The following EPAS1 variants were observed in gnomAD, a reference collection of about 807,000 sequenced individuals.
EPAS1 encodes the protein endothelial PAS domain protein 1.
A neutral mutation model predicts 87.9 loss-of-function variants in EPAS1; 23 were observed. That is an observed-to-expected ratio of 0.26 (90% CI 0.19 to 0.37). EPAS1 has a LOEUF of 0.37. Among genes scored for constraint, EPAS1 ranks in the 10% least tolerant of loss-of-function variants. EPAS1 has a pLI of 1.00. For synonymous variants in EPAS1, 508 were observed against 444.3 expected, an observed-to-expected ratio of 1.14 and a Z score of -1.80; for missense variants, 1,138 against 1,120.7, an observed-to-expected ratio of 1.02 and a Z score of -0.22.
At chr2:46,362,953 AGTGGTG>A (rs1159555840) in intron 6 of EPAS1, among the ~76,000 whole-genome samples, 9 of 78,032 alleles carry the variant, frequency 1.2e-4, no homozygotes, top group East Asian at 5.5e-4. Flanking sequence ...TGTAATTGTT[AGTGGTG>A]GTGGTGGTGG....
intron 1 of EPAS1, among the ~76,000 whole-genome samples, chr2:46,331,623 G>C (rs541198276): frequency 6.6e-6 from 1 of 152,080 alleles, no homozygotes; most frequent in African/African-American, 2.4e-5. Context: ...CCAAAGCTCC[G>C]AGGTTTAAAA....
chr2:46,364,070 G>A (rs1053038594), intron 6 of EPAS1, among the ~76,000 whole-genome samples: 8 of 152,304 alleles, frequency 5.3e-5, no homozygotes, highest in African/African-American at 1.9e-4. Flanking sequence ...GTGGTGGGAT[G>A]GGGAGAAGCA....
Position 46,385,326 on chromosome 2 carries a change from T to C in EPAS1, c.*666T>C, listed in dbSNP as rs570308878. On this transcript the variant is annotated 3_prime_UTR_variant, in exon 16 of 16. Coordinates refer to ENST00000263734, the MANE Select transcript of EPAS1 (RefSeq NM_001430.5). ...CCTAAACTGGTGTTTTTCCCCCGCA[T>C]TTGGTGGATTTTTTATTATTATTCA... is the stretch of plus-strand genomic sequence containing the variant. 3.9e-5 allele frequency: 6 copies of C among 152,710 alleles called. No individual in the cohort carries two copies. Among genetic ancestry groups the C allele is most frequent in the African/African-American group, 1.4e-4 (6 of 41,516 alleles). 9.5% of individuals were successfully genotyped at this position (152,710 alleles called of 1,614,324 possible). A position where few individuals can be genotyped will look rare whatever the true frequency, so the allele number is the denominator to read the frequency against.
In EPAS1 at chr2:46,348,351, G is replaced by C. The variant is rs568804600; in HGVS notation, c.217+1288G>C. Among the ~76,000 whole-genome samples the C allele has an allele frequency of 2.6e-5, 4 of 152,326 alleles. No individual in the cohort carries two copies. The East Asian group carries it at 7.7e-4, about 29-fold the overall frequency. On this transcript the variant is annotated intron_variant, in intron 2 of 15. Transcript: ENST00000263734. ...GAACAGTGGGCTGAGCCCTGGCAAG[G>C]CTTGGATTGCTGGATATAAGAAAGG...
chr2:46,312,940 C>G (rs1378345842), intron 1 of EPAS1, among the ~76,000 whole-genome samples: 1 of 152,078 alleles, frequency 6.6e-6, no homozygotes, highest in East Asian at 1.9e-4. Flanking sequence ...CTCAGCACAC[C>G]CAAATCTCTA....
At position 46,346,149 on chromosome 2, in the gene EPAS1, G is replaced by A. The variant is rs77885306; in HGVS notation, c.27-724G>A. ...TTCTAAAAGAGGCAGGCTTCAGTGC[G>A]TGTCATCTTTCGTTCCATCCTGCAG... On this transcript the variant is annotated intron_variant, in intron 1 of 15. Transcript: ENST00000263734. This position sits in a 1 kb window ranked among gnomAD's most constrained non-coding sequence, Gnocchi z 4.0. 2.6e-5 allele frequency among the ~76,000 whole-genome samples: 4 copies of A among 152,222 alleles called. No individual in the cohort carries two copies. Among genetic ancestry groups the A allele is most frequent in the Non-Finnish European group, 5.9e-5 (4 of 68,050 alleles).
At chr2:46,333,732 C>G (rs1485137682) in intron 1 of EPAS1, among the ~76,000 whole-genome samples, 3 of 151,760 alleles carry the variant, frequency 2.0e-5, no homozygotes, top group African/African-American at 7.3e-5. Context: ...TGGTGGGGAG[C>G]AATTTTCATT....
intron 1 of EPAS1, among the ~76,000 whole-genome samples, chr2:46,327,078 C>T (rs548831097): frequency 2.0e-5 from 3 of 152,298 alleles, no homozygotes; most frequent in African/African-American, 7.2e-5. Context: ...CAGCAGGGGC[C>T]GTGCTGACCT....
chr2:46,298,562 A>AG (rs1406669699), intron 1 of EPAS1, among the ~76,000 whole-genome samples: 1 of 152,188 alleles, frequency 6.6e-6, no homozygotes, highest in African/African-American at 2.4e-5. Context: ...TGGGGAGAGT[A>AG]GGTAGTGAGT....
intron 1 of EPAS1, among the ~76,000 whole-genome samples, chr2:46,323,994 G>A (rs1276698608): frequency 6.6e-6 from 1 of 152,234 alleles, no homozygotes; most frequent in Non-Finnish European, 1.5e-5. Context: ...TGGCTACTGT[G>A]TATATAGGGC....
At position 46,371,099 on chromosome 2, in the gene EPAS1, C is replaced by T. The variant is rs986309544; in HGVS notation, c.886+1166C>T. Among the ~76,000 whole-genome samples, 2 of 152,076 alleles carry T rather than the reference C, an allele frequency of 1.3e-5. No homozygotes were observed. The highest frequency in any genetic ancestry group is 2.9e-5 in the Non-Finnish European group (2 of 68,024). On this transcript the variant is annotated intron_variant, in intron 7 of 15. Transcript: ENST00000263734. The surrounding 1 kb of genome is among the most constrained non-coding windows in gnomAD (Gnocchi z 4.3). The stretch of plus-strand genomic sequence containing the variant: ...GGAAAAGAATGCTTCAAAACGAGTG[C>T]CCACAGTGGTGCAGACAGTGGTGCT...
intron 6 of EPAS1, among the ~76,000 whole-genome samples, chr2:46,361,729 C>G (rs1395406971): frequency 6.6e-6 from 1 of 152,210 alleles, no homozygotes; most frequent in African/African-American, 2.4e-5. Flanking sequence ...AGTGTTAGCT[C>G]TTATTATCAC....
intron 7 of EPAS1, among the ~76,000 whole-genome samples, chr2:46,372,772 C>G (rs1017942165): frequency 2.6e-5 from 4 of 152,214 alleles, no homozygotes; most frequent in African/African-American, 7.2e-5. Context: ...CACTTAAAAC[C>G]TTTGCTTGCT....
chr2:46,369,851 C>T lies in EPAS1; in HGVS notation c.804C>T (p.His268=), dbSNP rs1005125291. Residue 268 remains histidine, a synonymous_variant, in exon 7 of 16, where the codon CAC becomes CAT. Coordinates refer to ENST00000263734, the MANE Select transcript of EPAS1 (RefSeq NM_001430.5). ...DDRITELIGY[H]PEELLGRSAY... ...GAATCACAGAACTGATTGGTTACCA[C>T]CCTGAGGAGCTGCTTGGCCGCTCAG... 3 of 1,613,014 alleles carry T rather than the reference C, an allele frequency of 1.9e-6. No homozygotes were observed. The African/African-American group carries it at 4.0e-5, about 22-fold the overall frequency.
chr2:46,367,387 T>G (rs1684524660), intron 6 of EPAS1, among the ~76,000 whole-genome samples: 1 of 152,240 alleles, frequency 6.6e-6, no homozygotes, highest in South Asian at 2.1e-4. Flanking sequence ...ATCTGGCAAG[T>G]CAGTGAGCCT....
chr2:46,380,096 C>A lies in EPAS1; in HGVS notation c.1555-131C>A. The A allele has an allele frequency of 6.8e-7, 1 of 1,465,682 alleles. No homozygotes were observed. Among genetic ancestry groups the A allele is most frequent in the Non-Finnish European group, 9.4e-7 (1 of 1,060,102 alleles). 90.8% of individuals were successfully genotyped at this position (1,465,682 alleles called of 1,614,324 possible). A position where few individuals can be genotyped will look rare whatever the true frequency, so the allele number is the denominator to read the frequency against. On this transcript the variant is annotated intron_variant, in intron 11 of 15. Transcript: ENST00000263734. This position sits in a 1 kb window ranked among gnomAD's most constrained non-coding sequence, Gnocchi z 4.4. ...GGTTTTCCTGATAGGCCCTCGGGAGCCAGTGGAGGCGTTTGAGCAGCACTG... is the reference window on the plus strand; with the variant it reads ...GGTTTTCCTGATAGGCCCTCGGGAGACAGTGGAGGCGTTTGAGCAGCACTG...
Position 46,380,707 on chromosome 2 carries a change from T to G in EPAS1, c.2035T>G (p.Phe679Val), listed in dbSNP as rs935681296. ...PPVSPPHVST[F>V]KTRSAKGFGA... ...TGTCTCTCCACCCCATGTCTCCACCTTCAAGACAAGGTAAGTGGCAGATAC... is the reference window on the plus strand; with the variant it reads ...TGTCTCTCCACCCCATGTCTCCACCGTCAAGACAAGGTAAGTGGCAGATAC... Residue 679 changes from phenylalanine (F) to valine (V), a missense_variant, in exon 12 of 16, where the codon TTC (phenylalanine) becomes GTC (valine). Coordinates refer to ENST00000263734, the MANE Select transcript of EPAS1 (RefSeq NM_001430.5). The surrounding 1 kb of genome is among the most constrained non-coding windows in gnomAD (Gnocchi z 4.4). 1.2e-6 allele frequency: 2 copies of G among 1,611,696 alleles called. No individual in the cohort carries two copies. The highest frequency in any genetic ancestry group is 1.7e-5 in the Admixed American group (1 of 60,016).
intron 1 of EPAS1, among the ~76,000 whole-genome samples, chr2:46,339,983 T>G (rs1393685675): frequency 6.6e-6 from 1 of 152,172 alleles, no homozygotes; most frequent in Non-Finnish European, 1.5e-5. Context: ...GATTTCAACA[T>G]AAGTATTTTG....
chr2:46,351,427 C>T (rs550043583), intron 2 of EPAS1, among the ~76,000 whole-genome samples: 1 of 152,242 alleles, frequency 6.6e-6, no homozygotes, highest in South Asian at 2.1e-4. Flanking sequence ...GACACAGTGC[C>T]TTCTGTCAAA....
Sources: gnomAD v4.1 joint callset for allele counts (sites outside exome capture counted in the v4.1 genomes callset) on GRCh38, gnomAD v4.1.1 for gene constraint, Gnocchi (gnomAD v3.1) non-coding constraint, MANE v1.5 for transcripts, NCBI Gene and HGNC (gene_info 2026-07-23, HGNC 2026-07-21) for gene names.